DHRSX: variants seen among roughly 807,000 people sequenced by gnomAD.
The protein encoded by DHRSX is dehydrogenase/reductase X-linked, also known as polyprenol dehydrogenase.
In DHRSX, 31 loss-of-function variants were observed where a neutral mutation model predicts 34.0. That is an observed-to-expected ratio of 0.91 (90% CI 0.69 to 1.23). The LOEUF is 1.23. Ranked by LOEUF, DHRSX falls within the 50% of genes most tolerant of loss-of-function variation. The pLI, the probability that DHRSX is intolerant of heterozygous loss-of-function variation, is 0.00. For missense variants in DHRSX, 414 were observed against 428.1 expected, an observed-to-expected ratio of 0.97 and a Z score of 0.29; for synonymous variants, 201 against 183.8, an observed-to-expected ratio of 1.09 and a Z score of -0.76.
At chrX:2,272,184 TGGG>T (rs2041566178) in intron 4 of DHRSX, among the ~76,000 whole-genome samples, 2 of 152,030 alleles carry the variant, frequency 1.3e-5, no homozygotes, top group African/African-American at 2.4e-5. Flanking sequence ...TAGGTTGCTG[TGGG>T]TGGACGGGAA....
chrX:2,276,488 T>TAA (rs1176221359), intron 4 of DHRSX, among the ~76,000 whole-genome samples: 3 of 152,148 alleles, frequency 2.0e-5, no homozygotes, highest in Non-Finnish European at 4.4e-5. Context: ...AAATAAACAG[T>TAA]AAAATTATCG....
chrX:2,253,097 C>G (rs1471700221), intron 5 of DHRSX, among the ~76,000 whole-genome samples: 1 of 152,246 alleles, frequency 6.6e-6, no homozygotes, highest in Non-Finnish European at 1.5e-5. Context: ...GAGGTGGGAG[C>G]AGATCATTTG....
chrX:2,333,368 A>G (rs2042507160), intron 3 of DHRSX, among the ~76,000 whole-genome samples: 1 of 152,160 alleles, frequency 6.6e-6, no homozygotes, highest in African/African-American at 2.4e-5. Flanking sequence ...ATTACGTGAC[A>G]TGGGAGTTTG....
chrX:2,231,422 TCTTC>T (rs1184927040), intron 6 of DHRSX, among the ~76,000 whole-genome samples: 1 of 151,706 alleles, frequency 6.6e-6, no homozygotes, highest in Non-Finnish European at 1.5e-5. Flanking sequence ...CTTTGCTTCC[TCTTC>T]CTTTTTCTCT....
intron 3 of DHRSX, among the ~76,000 whole-genome samples, chrX:2,387,444 C>T (rs750045370): frequency 8.6e-4 from 131 of 152,216 alleles, no homozygotes; most frequent in Non-Finnish European, 1.6e-3. Context: ...AGGAAGCCAG[C>T]CCAAGTCCCA....
At chrX:2,438,033 C>T (rs1220731696) in intron 1 of DHRSX, among the ~76,000 whole-genome samples, 1 of 150,010 alleles carries the variant, frequency 6.7e-6, no homozygotes, top group African/African-American at 2.5e-5. Flanking sequence ...GAATTCTGGC[C>T]GGGCGCGGTG....
At chrX:2,269,267 T>A (rs1372422422) in intron 4 of DHRSX, among the ~76,000 whole-genome samples, 1 of 152,244 alleles carries the variant, frequency 6.6e-6, no homozygotes, top group East Asian at 1.9e-4. Flanking sequence ...GTATTTTATA[T>A]CTACACACAA....
chrX:2,500,900 G>A lies in DHRSX; in HGVS notation c.26C>T (p.Ala9Val), dbSNP rs2045411793. 8.9e-7 allele frequency: 1 copy of A among 1,126,206 alleles called. No individual in the cohort carries two copies. The highest frequency in any genetic ancestry group is 3.3e-5 in the South Asian group (1 of 30,220). 69.8% of individuals were successfully genotyped at this position (1,126,206 alleles called of 1,614,324 possible). Residue 9 changes from alanine (A) to valine (V), a missense_variant, in exon 1 of 7, where the codon GCG becomes GTG. Ala to Val is a moderately conservative substitution (Grantham distance 64). Transcript: ENST00000334651. Reference protein sequence around the residue: MSPLSAARAALRVYAVGAA... With the variant: MSPLSAARVALRVYAVGAA... ...GCCTACCGCGTAGACCCGCAGGGCC[G>A]CCCGCGCCGCAGACAATGGCGACAT...
rs1373423558 is a variant in DHRSX at position 2,264,253 on chromosome X, G to A, written c.596+2487C>T. Among the ~76,000 whole-genome samples the A allele has an allele frequency of 2.9e-5, 4 of 139,246 alleles. No homozygotes were observed. The South Asian group carries it at 7.4e-4, about 26-fold the overall frequency. 91.4% of individuals were successfully genotyped at this position (139,246 alleles called of 152,430 possible). ...CAGGTAGCAGTGTGCCCAGAGCACC[G>A]CTACCCAGCAGAAGCAGGGAGCACC... On this transcript the variant is annotated intron_variant, in intron 5 of 6. Coordinates refer to ENST00000334651, the MANE Select transcript of DHRSX (RefSeq NM_145177.3).
Position 2,384,012 on chromosome X carries a change from C to T in DHRSX, c.286+24733G>A, listed in dbSNP as rs1411180622. On this transcript the variant is annotated intron_variant, in intron 3 of 6. Transcript: ENST00000334651. ...AGGATCTCTCTGACTGCAGTGTAGACAGTTCAGGGAGGGAAACCTGGAAGC... is the reference window on the plus strand; with the variant it reads ...AGGATCTCTCTGACTGCAGTGTAGATAGTTCAGGGAGGGAAACCTGGAAGC... Among the ~76,000 whole-genome samples, 3 of 152,240 alleles carry T rather than the reference C, an allele frequency of 2.0e-5. No individual in the cohort carries two copies. In the East Asian group the frequency reaches 5.8e-4, roughly 29 times the overall value.
intron 1 of DHRSX, among the ~76,000 whole-genome samples, chrX:2,436,925 CAGA>C (rs1447697234): frequency 1.3e-5 from 2 of 152,054 alleles, no homozygotes; most frequent in African/African-American, 4.8e-5. Flanking sequence ...GAACAGGCTA[CAGA>C]CCCCACCGTC....
At chrX:2,293,223 A>G (rs2041887961) in intron 3 of DHRSX, among the ~76,000 whole-genome samples, 1 of 151,830 alleles carries the variant, frequency 6.6e-6, no homozygotes, top group South Asian at 2.1e-4. Context: ...CTCCATCGCT[A>G]AAAGTGATGT....
chrX:2,431,632 C>T (rs1455283022), intron 1 of DHRSX, among the ~76,000 whole-genome samples: 2 of 152,124 alleles, frequency 1.3e-5, no homozygotes, highest in African/African-American at 2.4e-5. Flanking sequence ...GGAGGCCATT[C>T]TCCTATGTGA....
chrX:2,404,345 A>C (rs2043526122), intron 3 of DHRSX, among the ~76,000 whole-genome samples: 1 of 152,182 alleles, frequency 6.6e-6, no homozygotes. Flanking sequence ...CTCCTTTGAA[A>C]ACCTGCTGCA....
chrX:2,470,861 AG>A (rs1294357369), intron 1 of DHRSX, among the ~76,000 whole-genome samples: 2 of 151,962 alleles, frequency 1.3e-5, no homozygotes, highest in Non-Finnish European at 2.9e-5. Context: ...TACAAAAAAA[AG>A]TAGGTGAGGT....
chrX:2,422,616 A>C, intron 2 of DHRSX, among the ~76,000 whole-genome samples: 1 of 152,130 alleles, frequency 6.6e-6, no homozygotes, highest in East Asian at 1.9e-4. Context: ...CTACAGTATG[A>C]TGTTTATAAA....
At chrX:2,486,708 C>G (rs1044300) in intron 1 of DHRSX, 6,508 of 152,358 alleles carry the variant, frequency 0.043, 177 homozygotes, top group Middle Eastern at 0.1. Flanking sequence ...CCCACTGTGT[C>G]CCTTCCAGCT....
At chrX:2,467,883 C>T (rs1170867071) in intron 1 of DHRSX, among the ~76,000 whole-genome samples, 1 of 151,500 alleles carries the variant, frequency 6.6e-6, no homozygotes, top group African/African-American at 2.4e-5. Context: ...ATCGCTTGAA[C>T]CCAGGAGGCG....
intron 3 of DHRSX, among the ~76,000 whole-genome samples, chrX:2,317,284 C>T (rs2124526879): frequency 1.2e-5 from 1 of 80,582 alleles, no homozygotes; most frequent in African/African-American, 4.7e-5. Flanking sequence ...CAGAGTCTTG[C>T]TGTGTGGCCC....
Sources: gnomAD v4.1 joint callset for allele counts (sites outside exome capture counted in the v4.1 genomes callset) on GRCh38, gnomAD v4.1.1 for gene constraint, MANE v1.5 for transcripts, NCBI Gene and HGNC (gene_info 2026-07-23, HGNC 2026-07-21) for gene names.